Variants in RHCE observed in about 807,000 individuals in gnomAD.
RHCE encodes Rh blood group CcEe antigens, also known as blood group Rh(CE) polypeptide.
In RHCE, 22 loss-of-function variants were observed where a neutral mutation model predicts 43.8. The observed-to-expected ratio is 0.50, with a 90% CI of 0.36 to 0.72. The LOEUF (loss-of-function observed/expected upper bound fraction) is 0.72. Ranked by LOEUF, RHCE falls within the 30% of genes least tolerant of loss-of-function variation. The pLI, the probability that RHCE is intolerant of heterozygous loss-of-function variation, is 0.00. For missense variants in RHCE, 385 were observed against 525.4 expected (o/e 0.73, Z 2.61); for synonymous variants, 156 against 210.7 (o/e 0.74, Z 2.25).
chr1:25,375,980 G>A (rs548106506), intron 7 of RHCE, among the ~76,000 whole-genome samples: 2 of 151,774 alleles, frequency 1.3e-5, no homozygotes, highest in Middle Eastern at 3.4e-3. Context: ...TAATAGAGAC[G>A]GGGTTTCACC....
Position 25,388,962 on chromosome 1 carries a change from G to A in RHCE, c.939+14C>T, listed in dbSNP as rs757926226. 6.2e-7 allele frequency: 1 copy of A among 1,614,238 alleles called. No individual in the cohort carries two copies. Among genetic ancestry groups the A allele is most frequent in the Non-Finnish European group, 8.5e-7 (1 of 1,180,046 alleles). ...TCAGCCAAAGCAGAGAGCATTAGTT[G>A]TCTAGTTTCTTACCGGCAGGCACTT... On this transcript the variant is annotated intron_variant, in intron 6 of 9. Transcript: ENST00000294413.
In RHCE at chr1:25,388,935, C is replaced by T. The variant is rs761643813; in HGVS notation, c.939+41G>A. The T allele has an allele frequency of 1.4e-5, 22 of 1,614,100 alleles. No individual in the cohort carries two copies. In the East Asian group the frequency reaches 4.9e-4, roughly 36 times the overall value. On this transcript the variant is annotated intron_variant, in intron 6 of 9. Coordinates refer to ENST00000294413, the MANE Select transcript of RHCE (RefSeq NM_020485.8). ...CATCAGGTCCCAGCGTCCTGCTGGCCTTCAGCCAAAGCAGAGAGCATTAGT... is the reference window on the plus strand; with the variant it reads ...CATCAGGTCCCAGCGTCCTGCTGGCTTTCAGCCAAAGCAGAGAGCATTAGT...
chr1:25,371,894 C>T lies in RHCE; in HGVS notation c.1154-1354G>A, dbSNP rs186439552. ...CTTAGTGAGATTCGTATTTCCCTTTCGTGGTGCTGCTTTTAGCAGATATTG... is the reference window on the plus strand; with the variant it reads ...CTTAGTGAGATTCGTATTTCCCTTTTGTGGTGCTGCTTTTAGCAGATATTG... On this transcript the variant is annotated intron_variant, in intron 8 of 9. Coordinates refer to ENST00000294413, the MANE Select transcript of RHCE (RefSeq NM_020485.8). Among the ~76,000 whole-genome samples the T allele has an allele frequency of 5.3e-5, 8 of 151,320 alleles. No homozygotes were observed. In the East Asian group the frequency reaches 1.4e-3, roughly 26 times the overall value.
intron 3 of RHCE, among the ~76,000 whole-genome samples, 193 bp downstream of exon 3, chr1:25,402,403 T>C (rs1372929369): frequency 2.0e-5 from 3 of 152,016 alleles, no homozygotes; most frequent in Admixed American, 6.6e-5. Flanking sequence ...AAAAAATTAC[T>C]TTTTAGAGAT....
rs1647680884 is a variant in RHCE, at chr1:25,417,748, A to G, written c.148+2891T>C. ...AAATATATTAATGTAGTAATACTTA[A>G]AGTGTAACATATAACCATGGTACAT... On this transcript the variant is annotated intron_variant, in intron 1 of 9. Transcript: ENST00000294413. Among the ~76,000 whole-genome samples, 6 of 152,330 alleles carry G rather than the reference A, an allele frequency of 3.9e-5. No individual in the cohort carries two copies. The South Asian group carries it at 1.2e-3, about 32-fold the overall frequency.
intron 5 of RHCE, 137 bp from the exon 6 acceptor site, chr1:25,389,250 C>G: frequency 6.8e-7 from 1 of 1,475,154 alleles, no homozygotes; most frequent in Non-Finnish European, 9.4e-7. Flanking sequence ...CCACCTCTCC[C>G]CTGTGTTGGG....
At position 25,390,795 on chromosome 1, in the gene RHCE, G is replaced by T; in HGVS notation, c.755C>A (p.Ala252Asp). ...YYALAVSVVT[A>D]ISGSSLAHPQ... ...GTGAGCCAAGGATGACCCTGAGATG[G>T]CTGTCACCACACTGACTGCTAGAGC... The change falls in exon 5 of 10, where the codon GCC becomes GAC. Residue 252 changes from alanine to aspartate, a missense_variant. This residue lies in a region of RHCE where 56 missense variants were observed against 90.0 expected (regional missense o/e 0.62). Transcript: ENST00000294413. The T allele has an allele frequency of 6.2e-7, 1 of 1,614,238 alleles. No individual in the cohort carries two copies. The highest frequency in any genetic ancestry group is 8.5e-7 in the Non-Finnish European group (1 of 1,180,050).
At chr1:25,384,098 G>A (rs1256555766) in intron 7 of RHCE, among the ~76,000 whole-genome samples, 1 of 150,338 alleles carries the variant, frequency 6.7e-6, no homozygotes, top group Non-Finnish European at 1.5e-5. Flanking sequence ...TCTGGGGTGG[G>A]GCCGTAGGTA....
chr1:25,376,771 G>A (rs1404770972), intron 7 of RHCE, among the ~76,000 whole-genome samples: 5 of 151,962 alleles, frequency 3.3e-5, no homozygotes, highest in African/African-American at 4.8e-5. Flanking sequence ...AACATTAGCC[G>A]GGAGTGGTGG....
chr1:25,390,845 C>T lies in RHCE; in HGVS notation c.705G>A (p.Lys235=), dbSNP rs564253644. ...CATAGTAGGTGTTGAACATGGCATT[C>T]TTCCTTTGGATTGGACTTCTCAGCA... The part of the protein sequence containing the change: ...SALLRSPIQR[K]NAMFNTYYAL... Residue 235 remains lysine, a synonymous_variant, in exon 5 of 10, where the codon AAG becomes AAA. Coordinates refer to ENST00000294413, the MANE Select transcript of RHCE (RefSeq NM_020485.8). The T allele has an allele frequency of 6.2e-7, 1 of 1,614,234 alleles. No homozygotes were observed. Among genetic ancestry groups the T allele is most frequent in the East Asian group, 2.2e-5 (1 of 44,892 alleles).
At chr1:25,414,364 C>T (rs1394693627) in intron 1 of RHCE, among the ~76,000 whole-genome samples, 5 of 152,132 alleles carry the variant, frequency 3.3e-5, no homozygotes. Flanking sequence ...GAACCAGCTT[C>T]ACTCCCCCAG....
At chr1:25,379,487 ATATATATATTTTTTTTT>A (rs1250086938) in intron 7 of RHCE, among the ~76,000 whole-genome samples, 484 of 20,414 alleles carry the variant, frequency 0.024, no homozygotes, top group Admixed American at 0.037. Context: ...ATATATATAT[ATATATATATTTTTTTTT>A]TTTTTTTTTT....
intron 1 of RHCE, 37 bp downstream of exon 1, chr1:25,420,602 A>G: frequency 6.2e-7 from 1 of 1,613,826 alleles, no homozygotes; most frequent in Non-Finnish European, 8.5e-7. Flanking sequence ...TGCCCCTGCT[A>G]TTTGCTCCTG....
rs1274541037 is a variant in RHCE, at chr1:25,399,095, G to T, written c.486+3501C>A. 3.8e-6 allele frequency: 6 copies of T among 1,591,228 alleles called. No individual in the cohort carries two copies. In the African/African-American group the frequency reaches 8.0e-5, roughly 21 times the overall value. On this transcript the variant is annotated intron_variant, in intron 3 of 9. Coordinates refer to ENST00000294413, the MANE Select transcript of RHCE (RefSeq NM_020485.8). ...GGGATGCCTCGCAGAAAGCTGCCAA[G>T]GCAGGGCTTTTGGCATTTTCAGCTT...
rs139495212 is a variant in RHCE at position 25,393,261 on chromosome 1, C to G, written c.487-1120G>C. ...TTGTTACAGTAACCTCCTAACTGGT[C>G]TCCCCATTTCCACCCTTGTCTTCCT... On this transcript the variant is annotated intron_variant, in intron 3 of 9. Transcript: ENST00000294413. 7.2e-3 allele frequency among the ~76,000 whole-genome samples: 1,099 copies of G among 152,256 alleles called. 6 individuals carry two copies. The highest frequency in any genetic ancestry group is 0.012 in the Non-Finnish European group (785 of 68,010).
At chr1:25,410,338 AT>A (rs923035184) in intron 1 of RHCE, among the ~76,000 whole-genome samples, 37 of 150,694 alleles carry the variant, frequency 2.5e-4, no homozygotes, top group African/African-American at 6.6e-4. Flanking sequence ...ATCTTGAAGA[AT>A]TTTTTTTTTC....
chr1:25,404,169 C>CAAAAAAAAA (rs3079571), intron 2 of RHCE, among the ~76,000 whole-genome samples: 1 of 90,984 alleles, frequency 1.1e-5, no homozygotes, highest in Non-Finnish European at 2.1e-5. Context: ...CTCTGTCTCA[C>CAAAAAAAAA]AAAAAAAAAA....
chr1:25,420,016 CA>C (rs1280941313), intron 1 of RHCE, among the ~76,000 whole-genome samples: 419 of 128,622 alleles, frequency 3.3e-3, no homozygotes, highest in Middle Eastern at 3.9e-3. Context: ...ACATCTCTAC[CA>C]AAAAAAAAAA....
chr1:25,379,842 C>CT (rs1331514719), intron 7 of RHCE, among the ~76,000 whole-genome samples: 1 of 151,990 alleles, frequency 6.6e-6, no homozygotes, highest in Admixed American at 6.6e-5. Flanking sequence ...ACCTGGCTAA[C>CT]TTTTTATTTT....
Sources: gnomAD v4.1 joint callset for allele counts (sites outside exome capture counted in the v4.1 genomes callset) on GRCh38, gnomAD v4.1.1 for gene constraint, gnomAD v4.1.1 regional missense constraint, MANE v1.5 for transcripts, NCBI Gene and HGNC (gene_info 2026-07-23, HGNC 2026-07-21) for gene names.